VSTM4: variants seen among roughly 807,000 people sequenced by gnomAD.
VSTM4 encodes V-set and transmembrane domain containing 4, also known as V-set and transmembrane domain-containing protein 4.
Under a neutral mutation model 36.4 loss-of-function variants are expected in VSTM4, and 20 were observed. The ratio of observed to expected loss-of-function variants is 0.55; its 90% CI spans 0.39 to 0.80. The LOEUF is 0.80. Among genes scored for constraint, VSTM4 ranks in the 30% least tolerant of loss-of-function variants. The pLI is 0.00. For missense variants in VSTM4, 392 were observed against 404.5 expected (o/e 0.97, Z 0.26); for synonymous variants, 182 against 173.9 (o/e 1.05, Z -0.37).
At chr10:49,064,781 C>G in intron 4 of VSTM4, 45 bp from the exon 5 acceptor site, 3 of 1,587,550 alleles carry the variant, frequency 1.9e-6, no homozygotes, top group Non-Finnish European at 2.6e-6. Context: ...AATGCTACTT[C>G]AGATATATAT....
intron 5 of VSTM4, among the ~76,000 whole-genome samples, chr10:49,059,847 T>A (rs1286771656): frequency 6.6e-6 from 1 of 152,180 alleles, no homozygotes; most frequent in Non-Finnish European, 1.5e-5. Flanking sequence ...AAAGGTTCCA[T>A]CTTGTATTTT....
chr10:49,026,547 C>T (rs1405529316), intron 7 of VSTM4, among the ~76,000 whole-genome samples: 2 of 152,208 alleles, frequency 1.3e-5, no homozygotes, highest in Non-Finnish European at 2.9e-5. Context: ...AAGTCACACT[C>T]CCAGGGCTAA....
In VSTM4 at chr10:49,017,281, A is replaced by C. The variant is rs2131922983; in HGVS notation, c.*2369T>G. On this transcript the variant is annotated 3_prime_UTR_variant, in exon 8 of 8. Coordinates refer to ENST00000332853, the MANE Select transcript of VSTM4 (RefSeq NM_001031746.5). ...AAGTCATCCATTGCTTCCAGTTCTG[A>C]GCACAGCTTGGGCATTTGCTTCTGG... is the stretch of plus-strand genomic sequence containing the variant. The C allele has an allele frequency of 6.6e-6, 1 of 152,336 alleles. No individual in the cohort carries two copies. 9.4% of individuals were successfully genotyped at this position (152,336 alleles called of 1,614,324 possible).
At chr10:49,074,995 C>T (rs1844148219) in intron 4 of VSTM4, among the ~76,000 whole-genome samples, 1 of 152,210 alleles carries the variant, frequency 6.6e-6, no homozygotes, top group African/African-American at 2.4e-5. Context: ...GTCACATAAG[C>T]ACATGGAGGG....
intron 7 of VSTM4, among the ~76,000 whole-genome samples, chr10:49,029,102 A>G (rs1268027024): frequency 6.6e-6 from 1 of 152,208 alleles, no homozygotes; most frequent in Non-Finnish European, 1.5e-5. Context: ...AGAAAGCTCT[A>G]TTTGACAGAG....
chr10:49,037,441 G>A (rs1239657599), intron 7 of VSTM4, among the ~76,000 whole-genome samples: 2 of 152,204 alleles, frequency 1.3e-5, no homozygotes, highest in African/African-American at 4.8e-5. Context: ...CCCACAATTG[G>A]AGCAGGGAGG....
At chr10:49,035,298 G>A (rs1185722661) in intron 7 of VSTM4, among the ~76,000 whole-genome samples, 2 of 152,136 alleles carry the variant, frequency 1.3e-5, no homozygotes, top group Non-Finnish European at 2.9e-5. Context: ...AACAATTATT[G>A]GGGAATGAAT....
At chr10:49,027,140 C>T (rs1372334113) in intron 7 of VSTM4, among the ~76,000 whole-genome samples, 1 of 152,190 alleles carries the variant, frequency 6.6e-6, no homozygotes, top group African/African-American at 2.4e-5. Context: ...TCTGACCCTG[C>T]ACAGCGAGCT....
Position 49,110,697 on chromosome 10 carries a change from G to C in VSTM4, c.56-2702C>G, listed in dbSNP as rs1208414328. 3.9e-5 allele frequency among the ~76,000 whole-genome samples: 6 copies of C among 152,018 alleles called. No individual in the cohort carries two copies. The East Asian group carries it at 1.2e-3, about 29-fold the overall frequency. ...TGGTCTTTATAAGAAGAGGAGATAA[G>C]AACACAAACACCACAGAGGGAAGAC... On this transcript the variant is annotated intron_variant, in intron 1 of 7. Coordinates refer to ENST00000332853, the MANE Select transcript of VSTM4 (RefSeq NM_001031746.5).
At chr10:49,103,934 AC>A (rs1271694972) in intron 2 of VSTM4, 4 of 1,253,756 alleles carry the variant, frequency 3.2e-6, no homozygotes, top group Non-Finnish European at 4.5e-6. Context: ...GGGCACTCAA[AC>A]CCCCAAGAGC....
At chr10:49,064,515 G>T in intron 5 of VSTM4, 188 bp downstream of exon 5, 1 of 652,524 alleles carries the variant, frequency 1.5e-6, no homozygotes, top group Non-Finnish European at 2.6e-6. Context: ...GGATCCCTGG[G>T]GGTGAAAACC....
intron 7 of VSTM4, among the ~76,000 whole-genome samples, chr10:49,026,128 A>G (rs905207167): frequency 6.6e-6 from 1 of 152,136 alleles, no homozygotes; most frequent in African/African-American, 2.4e-5. Flanking sequence ...CCAGGGAAAA[A>G]CAAACTAGAT....
intron 2 of VSTM4, among the ~76,000 whole-genome samples, chr10:49,090,836 G>C (rs7094220): frequency 0.12 from 18,483 of 152,210 alleles, 1,755 homozygotes; most frequent in African/African-American, 0.27. Context: ...CCAGCTGCTG[G>C]GAGTGACACC....
rs556362769 is a variant in VSTM4, at chr10:49,094,104, C to T, written c.458-8081G>A. ...AACGTGATACAGTGGGGTAAGTACA[C>T]CTTACCAGGACTATGACATTGTTAC... On this transcript the variant is annotated intron_variant, in intron 2 of 7. Coordinates refer to ENST00000332853, the MANE Select transcript of VSTM4 (RefSeq NM_001031746.5). 1.2e-3 allele frequency among the ~76,000 whole-genome samples: 177 copies of T among 152,282 alleles called. 1 individual carries two copies. Among genetic ancestry groups the T allele is most frequent in the Non-Finnish European group, 1.9e-3 (126 of 68,010 alleles).
Position 49,086,054 on chromosome 10 carries a change from G to T in VSTM4, c.458-31C>A, listed in dbSNP as rs759546471. 4 of 1,458,072 alleles carry T rather than the reference G, an allele frequency of 2.7e-6. No homozygotes were observed. In the East Asian group the frequency reaches 9.2e-5, roughly 33 times the overall value. 90.3% of individuals were successfully genotyped at this position (1,458,072 alleles called of 1,614,324 possible). On this transcript the variant is annotated intron_variant, in intron 2 of 7. Transcript: ENST00000332853. Reference sequence around the variant, plus strand: ...AGACAAAAAAGAAACAGCACAGTATGAAAAAATAATGCCACATGGTACACA... The same window carrying T: ...AGACAAAAAAGAAACAGCACAGTATTAAAAAATAATGCCACATGGTACACA...
intron 5 of VSTM4, among the ~76,000 whole-genome samples, chr10:49,056,160 A>T (rs1331166970): frequency 6.6e-6 from 1 of 152,232 alleles, no homozygotes; most frequent in African/African-American, 2.4e-5. Context: ...AATGGTTTAC[A>T]TCACCCAAGA....
At chr10:49,070,252 C>CAAAAAAA (rs780515012) in intron 4 of VSTM4, among the ~76,000 whole-genome samples, 26 of 21,726 alleles carry the variant, frequency 1.2e-3, no homozygotes, top group Non-Finnish European at 1.5e-3. Context: ...GACTCCGTCT[C>CAAAAAAA]AAAAAAAAAA....
In VSTM4 at chr10:49,047,041, G is replaced by T; in HGVS notation, c.779C>A (p.Pro260Gln). Residue 260 changes from proline (P) to glutamine (Q), a missense_variant, in exon 7 of 8, where the codon CCG becomes CAG. Transcript: ENST00000332853. Reference sequence around the variant, plus strand: ...CGGTTTATGGAACGTGGGGGCTATCGGAGCTGTGGAAGTAGGTCAAGGGTT... The same window carrying T: ...CGGTTTATGGAACGTGGGGGCTATCTGAGCTGTGGAAGTAGGTCAAGGGTT... ...DIPPAVPAKAPIAPTFHKPKL... is the reference protein window; with the variant it reads ...DIPPAVPAKAQIAPTFHKPKL... The T allele has an allele frequency of 6.2e-7, 1 of 1,614,118 alleles. No individual in the cohort carries two copies. The highest frequency in any genetic ancestry group is 1.3e-5 in the African/African-American group (1 of 75,010).
At chr10:49,035,200 T>A (rs1240177480) in intron 7 of VSTM4, among the ~76,000 whole-genome samples, 1 of 152,072 alleles carries the variant, frequency 6.6e-6, no homozygotes, top group East Asian at 1.9e-4. Flanking sequence ...GCCCAGCACA[T>A]CTCCCTGCAC....
Sources: allele counts gnomAD v4.1 joint callset (sites outside exome capture counted in the v4.1 genomes callset), GRCh38; gene constraint gnomAD v4.1.1; transcripts MANE v1.5; gene names NCBI Gene and HGNC (gene_info 2026-07-23, HGNC 2026-07-21).